The following ZFAND4 variants were observed in gnomAD, a reference collection of about 807,000 sequenced individuals.
ZFAND4 encodes the protein AN1-type zinc finger protein 4.
A neutral mutation model predicts 64.4 loss-of-function variants in ZFAND4; 43 were observed. The ratio of observed to expected loss-of-function variants is 0.67; its 90% confidence interval spans 0.52 to 0.86. The LOEUF (loss-of-function observed/expected upper bound fraction) is 0.86, where lower values mean the gene tolerates loss of function less well. Ranked by LOEUF, ZFAND4 falls within the 40% of genes least tolerant of loss-of-function variation. ZFAND4 has a pLI of 0.00. For synonymous variants in ZFAND4, 296 were observed against 305.7 expected (o/e 0.97, Z 0.33); for missense variants, 929 against 859.8 (o/e 1.08, Z -1.01).
At chr10:45,633,215 CAAAA>C in intron 6 of ZFAND4, among the ~76,000 whole-genome samples, 1 of 88,048 alleles carries the variant, frequency 1.1e-5, no homozygotes, top group South Asian at 3.8e-4. Flanking sequence ...ATCAAGTTGA[CAAAA>C]AAAAAAAAAA....
chr10:45,667,685 T>G (rs2048921456), intron 1 of ZFAND4, among the ~76,000 whole-genome samples: 1 of 152,236 alleles, frequency 6.6e-6, no homozygotes, highest in African/African-American at 2.4e-5. Flanking sequence ...GCCAGGCTGG[T>G]CTCGAACTGC....
chr10:45,638,206 G>A (rs149337214), intron 6 of ZFAND4, among the ~76,000 whole-genome samples: 447 of 152,042 alleles, frequency 2.9e-3, no homozygotes, highest in Middle Eastern at 6.8e-3. Flanking sequence ...AAAATTGGCC[G>A]GGCGCGGTGG....
At chr10:45,647,948 G>A (rs768084691) in intron 5 of ZFAND4, among the ~76,000 whole-genome samples, 96 of 152,088 alleles carry the variant, frequency 6.3e-4, no homozygotes, top group Non-Finnish European at 2.8e-4. Context: ...CAAGACCAGA[G>A]AAGTAAAGAG....
intron 6 of ZFAND4, among the ~76,000 whole-genome samples, chr10:45,628,920 GA>G (rs1418187998): frequency 1.4e-5 from 2 of 142,856 alleles, no homozygotes; most frequent in Non-Finnish European, 3.0e-5. Flanking sequence ...AAAAAAAAGG[GA>G]AAAAAAATAA....
At position 45,626,143 on chromosome 10, in the gene ZFAND4, AG is replaced by A; in HGVS notation, c.1679del (p.Pro560LeufsTer5). ...TEMTNKASKE[P>X]VGCVNNISFL... ...AACTGATATTATTTACACAACCAAC[AG>A]GCTCTTTGGAAGCCTTGTTAGTCAT... On this transcript the variant is annotated frameshift_variant, in exon 7 of 10. Transcript: ENST00000344646. LOFTEE classifies it high-confidence loss of function. 1 of 1,614,186 alleles carries A rather than the reference AG, an allele frequency of 6.2e-7. No individual in the cohort carries two copies.
At chr10:45,662,543 CG>C in intron 2 of ZFAND4, 1 of 961,142 alleles carries the variant, frequency 1.0e-6, no homozygotes, top group Non-Finnish European at 1.2e-6. Context: ...CAAAGCAGAA[CG>C]AAGTCAAAAT....
chr10:45,636,265 A>AT (rs1360881217), intron 6 of ZFAND4, among the ~76,000 whole-genome samples: 2 of 152,162 alleles, frequency 1.3e-5, no homozygotes, highest in Non-Finnish European at 2.9e-5. Flanking sequence ...AGCTTTCCAC[A>AT]TATCTATTAT....
intron 2 of ZFAND4, among the ~76,000 whole-genome samples, chr10:45,653,446 C>T (rs978550241): frequency 1.3e-5 from 2 of 152,014 alleles, no homozygotes; most frequent in Non-Finnish European, 2.9e-5. Context: ...CTAATATCTA[C>T]GATCTGTAAA....
At chr10:45,657,701 T>C (rs1418092326) in intron 2 of ZFAND4, among the ~76,000 whole-genome samples, 1 of 152,126 alleles carries the variant, frequency 6.6e-6, no homozygotes, top group African/African-American at 2.4e-5. Flanking sequence ...GTCCCTCAAC[T>C]TGGGAATGAG....
intron 1 of ZFAND4, among the ~76,000 whole-genome samples, chr10:45,664,102 T>C (rs181488735): frequency 6.6e-6 from 1 of 152,164 alleles, no homozygotes; most frequent in Non-Finnish European, 1.5e-5. Context: ...ATATATATAG[T>C]ACATGCTCAA....
intron 2 of ZFAND4, among the ~76,000 whole-genome samples, chr10:45,660,005 G>A (rs779859411): frequency 3.3e-5 from 5 of 151,886 alleles, no homozygotes; most frequent in Non-Finnish European, 5.9e-5. Context: ...GTGAAACCCC[G>A]TCTCTACTAA....
At chr10:45,652,768 A>C (rs991697336) in intron 3 of ZFAND4, among the ~76,000 whole-genome samples, 2 of 152,228 alleles carry the variant, frequency 1.3e-5, no homozygotes, top group African/African-American at 4.8e-5. Flanking sequence ...GACATGAAAA[A>C]TGAAAAGGGA....
intron 4 of ZFAND4, chr10:45,649,582 A>C (rs1262068894): frequency 6.6e-6 from 1 of 152,250 alleles, no homozygotes; most frequent in Non-Finnish European, 1.5e-5. Flanking sequence ...ATGCTTCCAT[A>C]GCCTAAATTC....
rs978889606 is a variant in ZFAND4, at chr10:45,616,568, A to G, written c.2052T>C (p.Cys684=). Residue 684 remains cysteine (C), a synonymous_variant, in exon 10 of 10, where the codon TGT becomes TGC. Coordinates refer to ENST00000344646, the MANE Select transcript of ZFAND4 (RefSeq NM_174890.4). ...GATGAGATGCACAGAAGTTGTTTCC[A>G]CATCTAAAGCACAAAAAAAGTTTAC... The part of the protein sequence containing the change: ...TGLASSYECR[C]GNNFCASHRY... The G allele has an allele frequency of 6.2e-7, 1 of 1,614,036 alleles. No homozygotes were observed. Among genetic ancestry groups the G allele is most frequent in the Non-Finnish European group, 8.5e-7 (1 of 1,179,960 alleles).
chr10:45,642,805 A>C (rs1167725490), intron 5 of ZFAND4, among the ~76,000 whole-genome samples: 1 of 151,732 alleles, frequency 6.6e-6, no homozygotes, highest in Non-Finnish European at 1.5e-5. Context: ...TTAACATACT[A>C]ATTTATAAAT....
rs142957161 is a variant in ZFAND4, at chr10:45,646,767, G to A, written c.569+1527C>T. ...AGCCAAAAGAGTGTGTACTAGAGAA[G>A]AAAACTAAACAGTGAGCCAGCACAC... On this transcript the variant is annotated intron_variant, in intron 5 of 9. Transcript: ENST00000344646. Among the ~76,000 whole-genome samples the A allele has an allele frequency of 1.6e-3, 249 of 152,294 alleles. 1 individual carries two copies. The highest frequency in any genetic ancestry group is 5.6e-3 in the African/African-American group (231 of 41,566).
At chr10:45,619,713 C>A (rs2045272262) in intron 8 of ZFAND4, among the ~76,000 whole-genome samples, 1 of 151,060 alleles carries the variant, frequency 6.6e-6, no homozygotes, top group African/African-American at 2.4e-5. Flanking sequence ...TTTTTTGTCA[C>A]AACAGAGATT....
In ZFAND4 at chr10:45,626,214, T is replaced by C. The variant is rs942955327; in HGVS notation, c.1609A>G (p.Arg537Gly). The C allele has an allele frequency of 6.2e-7, 1 of 1,614,186 alleles. No individual in the cohort carries two copies. The change falls in exon 7 of 10, where the codon AGA becomes GGA. Residue 537 changes from arginine (R) to glycine (G), a missense_variant. Arg to Gly is a moderately radical substitution (Grantham distance 125, BLOSUM62 -2). Transcript: ENST00000344646. ...TCAACTTTGGAAATAACATCAGATC[T>C]TTTCCCAAGTGAATCAACTTTAACA... ...QGVKVDSLGKRSDVISKVEAR... is the reference protein window; with the variant it reads ...QGVKVDSLGKGSDVISKVEAR...
At chr10:45,668,365 A>G (rs888173804) in intron 1 of ZFAND4, among the ~76,000 whole-genome samples, 1 of 152,246 alleles carries the variant, frequency 6.6e-6, no homozygotes, top group African/African-American at 2.4e-5. Flanking sequence ...CCTGCCTTAC[A>G]AGAGCTCCTG....
Sources: allele counts gnomAD v4.1 joint callset (sites outside exome capture counted in the v4.1 genomes callset), GRCh38; gene constraint gnomAD v4.1.1; transcripts MANE v1.5; gene names NCBI Gene and HGNC (gene_info 2026-07-23, HGNC 2026-07-21).